Variants in ARMC2 observed in about 807,000 individuals in gnomAD.
ARMC2 encodes the protein armadillo repeat-containing protein 2.
In ARMC2, 67 loss-of-function variants were observed where a neutral mutation model predicts 90.3. That is an observed-to-expected ratio of 0.74 (90% CI 0.61 to 0.91). The LOEUF is 0.91. Ranked by LOEUF, ARMC2 falls within the 40% of genes least tolerant of loss-of-function variation. ARMC2 has a pLI of 0.00. For missense variants in ARMC2, 920 were observed against 1,030.9 expected (o/e 0.89, Z 1.47); for synonymous variants, 393 against 393.0 (o/e 1.00, Z 0.00).
At chr6:109,019,479 C>G in the ARMC2 span, among the ~76,000 whole-genome samples, 130 of 152,240 alleles carry the variant, frequency 8.5e-4, no homozygotes, top group Non-Finnish European at 1.4e-3. Context: ...AATTATAGAC[C>G]AAACTCACCT....
At chr6:108,920,132 G>T (rs1479009706) in intron 10 of ARMC2, among the ~76,000 whole-genome samples, 1 of 152,008 alleles carries the variant, frequency 6.6e-6, no homozygotes, top group Non-Finnish European at 1.5e-5. Flanking sequence ...GCTATTTTAG[G>T]GGTTAGTCTT....
At chr6:108,972,309 C>A (rs1188310573) in intron 17 of ARMC2, among the ~76,000 whole-genome samples, 2 of 152,192 alleles carry the variant, frequency 1.3e-5, no homozygotes, top group African/African-American at 4.8e-5. Context: ...TCCATGGGCT[C>A]ACTTGGGATT....
chr6:109,052,953 T>C, the ARMC2 span, among the ~76,000 whole-genome samples: 2 of 152,086 alleles, frequency 1.3e-5, no homozygotes, highest in Admixed American at 6.5e-5. Context: ...AATCAAACAA[T>C]CAATAAAGTA....
chr6:108,936,403 C>T (rs186652973), intron 11 of ARMC2, among the ~76,000 whole-genome samples: 164 of 152,222 alleles, frequency 1.1e-3, no homozygotes, highest in Non-Finnish European at 2.1e-3. Flanking sequence ...ATTACAGGCA[C>T]ATGCCACCAT....
downstream of ARMC2, among the ~76,000 whole-genome samples, chr6:108,977,721 C>A (rs1277771569): frequency 1.3e-5 from 2 of 151,860 alleles, no homozygotes; most frequent in Admixed American, 1.3e-4. Context: ...CCTGGTTTAC[C>A]CTTGGGAAGG....
At chr6:108,933,799 G>T (rs1193756833) in intron 11 of ARMC2, among the ~76,000 whole-genome samples, 1 of 152,066 alleles carries the variant, frequency 6.6e-6, no homozygotes, top group African/African-American at 2.4e-5. Flanking sequence ...ATTGGCTGTG[G>T]GTTTGTCATA....
chr6:108,995,386 A>G, the ARMC2 span, among the ~76,000 whole-genome samples: 20 of 152,232 alleles, frequency 1.3e-4, no homozygotes, highest in African/African-American at 2.2e-4. Context: ...CCAATTAAAC[A>G]TGAAAGATGT....
the ARMC2 span, chr6:108,998,440 C>CCAACTGAAGAAATAATA: frequency 6.4e-7 from 1 of 1,566,836 alleles, no homozygotes; most frequent in South Asian, 1.2e-5. Context: ...TTCTAAGAAG[C>CCAACTGAAGAAATAATA]CAACTGAAGA....
At chr6:109,044,968 A>G in the ARMC2 span, among the ~76,000 whole-genome samples, 1 of 151,964 alleles carries the variant, frequency 6.6e-6, no homozygotes, top group Admixed American at 6.5e-5. Flanking sequence ...GGTTGCGGTG[A>G]GCTGAGATTG....
the ARMC2 span, among the ~76,000 whole-genome samples, chr6:109,002,818 A>G: frequency 3.9e-5 from 6 of 152,246 alleles, no homozygotes; most frequent in African/African-American, 1.2e-4. Context: ...GTTAGAATGT[A>G]AATTTATGAA....
chr6:108,928,320 C>G (rs1775269569), intron 11 of ARMC2, 87 bp downstream of exon 11: 1 of 1,290,956 alleles, frequency 7.7e-7, no homozygotes, highest in African/African-American at 1.5e-5. Flanking sequence ...GTGTGACTGG[C>G]AAGGAATCCT....
chr6:108,977,946 C>T (rs1779016779), downstream of ARMC2, among the ~76,000 whole-genome samples: 1 of 152,148 alleles, frequency 6.6e-6, no homozygotes, highest in South Asian at 2.1e-4. Flanking sequence ...TTTCAAAAAA[C>T]CAGCTCCTGG....
intron 15 of ARMC2, among the ~76,000 whole-genome samples, chr6:108,963,668 A>C (rs1389264174): frequency 6.6e-6 from 1 of 152,082 alleles, no homozygotes; most frequent in Non-Finnish European, 1.5e-5. Flanking sequence ...CTGAGGCAGG[A>C]GCCTGTCCTG....
At chr6:108,977,451 T>G (rs11153141), downstream of ARMC2, among the ~76,000 whole-genome samples, 28,771 of 152,052 alleles carry the variant, frequency 0.19, 3,283 homozygotes, top group African/African-American at 0.32. Flanking sequence ...ATATTGGCCT[T>G]AAATTTTCTT....
intron 3 of ARMC2, among the ~76,000 whole-genome samples, chr6:108,865,268 C>T (rs1286776641): frequency 6.6e-6 from 1 of 152,162 alleles, no homozygotes; most frequent in Admixed American, 6.5e-5. Context: ...CAGGCATGAG[C>T]CACCGCACCT....
chr6:109,039,337 A>G, the ARMC2 span, among the ~76,000 whole-genome samples: 2 of 152,258 alleles, frequency 1.3e-5, no homozygotes, highest in Non-Finnish European at 2.9e-5. Context: ...CTTATTAATC[A>G]TACCATCTTA....
intron 11 of ARMC2, among the ~76,000 whole-genome samples, chr6:108,935,749 A>G (rs1312258420): frequency 6.6e-6 from 1 of 152,002 alleles, no homozygotes; most frequent in Non-Finnish European, 1.5e-5. Flanking sequence ...GGCCCATCCT[A>G]CAAGTTTTGA....
chr6:108,944,804 G>T (rs961606869), intron 12 of ARMC2, among the ~76,000 whole-genome samples: 3 of 152,070 alleles, frequency 2.0e-5, no homozygotes, highest in South Asian at 4.1e-4. Context: ...ATGGTTATGT[G>T]CATGGCCTGG....
the ARMC2 span, among the ~76,000 whole-genome samples, chr6:108,987,931 T>C: frequency 6.6e-6 from 1 of 151,868 alleles, no homozygotes; most frequent in African/African-American, 2.4e-5. Context: ...GCTTCCCATG[T>C]AGCTGGGAAT....
Sources: gnomAD v4.1 joint callset for allele counts (sites outside exome capture counted in the v4.1 genomes callset) on GRCh38, gnomAD v4.1.1 for gene constraint, MANE v1.5 for transcripts, NCBI Gene and HGNC (gene_info 2026-07-23, HGNC 2026-07-21) for gene names.